The following XXYLT1 variants were observed in gnomAD, a reference collection of about 807,000 sequenced individuals.
XXYLT1 encodes UDP-xylose:alpha-xyloside alpha-1,3-xylosyltransferase.
A neutral mutation model predicts 28.9 loss-of-function variants in XXYLT1; 20 were observed. The ratio of observed to expected loss-of-function variants is 0.69; its 90% confidence interval spans 0.49 to 1.00. The LOEUF (loss-of-function observed/expected upper bound fraction) is 1.00, where lower values mean the gene tolerates loss of function less well. XXYLT1 is among the 50% of genes least tolerant of loss of function. The pLI is 0.00. For missense variants in XXYLT1, 542 were observed against 560.1 expected (o/e 0.97, Z 0.33); for synonymous variants, 257 against 253.8 (o/e 1.01, Z -0.12).
chr3:195,089,751 G>C (rs1432511174), intron 3 of XXYLT1, among the ~76,000 whole-genome samples: 1 of 150,884 alleles, frequency 6.6e-6, no homozygotes, highest in East Asian at 2.0e-4. Context: ...AAAGAGTCAA[G>C]ACCCATCAGT....
In XXYLT1 at chr3:195,129,253, C is replaced by T. The variant is rs1203201593; in HGVS notation, c.785+27196G>A. ...CTTTTTTTGGTAACAGCTTTCTTGA[C>T]ACATAATTTAAATTCCATACAATTC... On this transcript the variant is annotated intron_variant, in intron 3 of 3. Transcript: ENST00000310380. This position sits in a 1 kb window ranked among gnomAD's most constrained non-coding sequence, Gnocchi z 4.4. Among the ~76,000 whole-genome samples, 1 of 152,160 alleles carries T rather than the reference C, an allele frequency of 6.6e-6. No individual in the cohort carries two copies. The highest frequency in any genetic ancestry group is 6.5e-5 in the Admixed American group (1 of 15,284).
intron 3 of XXYLT1, among the ~76,000 whole-genome samples, chr3:195,071,012 T>A (rs1714773837): frequency 6.6e-6 from 1 of 152,230 alleles, no homozygotes; most frequent in South Asian, 2.1e-4. Context: ...GACACCTCCC[T>A]GTGAGGGCCA....
In XXYLT1 at chr3:195,256,396, G is replaced by A. The variant is rs906295435; in HGVS notation, c.504+14159C>T. ...CAGCTCTGGTCATTCCAAGTCCCTC[G>A]CCCTCATGCTCCGCGCAGGCCTGAG... On this transcript the variant is annotated intron_variant, in intron 1 of 3. Transcript: ENST00000310380. This position sits in a 1 kb window ranked among gnomAD's most constrained non-coding sequence, Gnocchi z 4.2. 24 of 748,610 alleles carry A rather than the reference G, an allele frequency of 3.2e-5. No individual in the cohort carries two copies. Among genetic ancestry groups the A allele is most frequent in the Non-Finnish European group, 3.6e-5 (22 of 614,112 alleles). 46.4% of individuals were successfully genotyped at this position (748,610 alleles called of 1,614,324 possible).
chr3:195,263,235 C>G (rs1004659796), intron 1 of XXYLT1, among the ~76,000 whole-genome samples: 1 of 152,242 alleles, frequency 6.6e-6, no homozygotes, highest in African/African-American at 2.4e-5. Flanking sequence ...TGCATTTTAA[C>G]ATTTGTCCAG....
At chr3:195,097,594 C>A (rs908854059) in intron 3 of XXYLT1, among the ~76,000 whole-genome samples, 4 of 152,162 alleles carry the variant, frequency 2.6e-5, no homozygotes, top group Admixed American at 2.6e-4. Context: ...AGTCAAAGCC[C>A]CCCAGCTAGT....
chr3:195,226,729 A>T lies in XXYLT1; in HGVS notation c.632T>A (p.Met211Lys). 1.2e-6 allele frequency: 2 copies of T among 1,613,800 alleles called. No individual in the cohort carries two copies. Among genetic ancestry groups the T allele is most frequent in the Non-Finnish European group, 1.7e-6 (2 of 1,179,916 alleles). The change falls in exon 2 of 4, where the codon ATG becomes AAG. Residue 211 changes from methionine (M) to lysine (K), a missense_variant. Met to Lys is a moderately conservative substitution (Grantham distance 95). Transcript: ENST00000310380. Reference protein sequence around the residue: ...SDSIFFLSVAMHQIMPKEILQ... With the variant: ...SDSIFFLSVAKHQIMPKEILQ... ...GTTACCTTTGGGCATGATCTGATGC[A>T]TGGCGACCGAGAGGAAGAAGATGGA...
At chr3:195,218,804 C>T (rs1489092519) in intron 2 of XXYLT1, among the ~76,000 whole-genome samples, 1 of 151,632 alleles carries the variant, frequency 6.6e-6, no homozygotes, top group Admixed American at 6.6e-5. Flanking sequence ...ACCCAGCCAT[C>T]CCATTACTGG....
chr3:195,116,084 G>A (rs1718029216), intron 3 of XXYLT1, among the ~76,000 whole-genome samples: 1 of 152,190 alleles, frequency 6.6e-6, no homozygotes, highest in African/African-American at 2.4e-5. Flanking sequence ...GGATTGGGGT[G>A]TGTTGAGCTT....
chr3:195,113,489 G>T (rs1185346676), intron 3 of XXYLT1, among the ~76,000 whole-genome samples: 1 of 152,196 alleles, frequency 6.6e-6, no homozygotes, highest in African/African-American at 2.4e-5. Context: ...GAGGCACAAA[G>T]CGGTTTACTG....
intron 1 of XXYLT1, among the ~76,000 whole-genome samples, chr3:195,268,940 C>A (rs777291429): frequency 9.8e-5 from 15 of 152,304 alleles, no homozygotes; most frequent in Non-Finnish European, 2.1e-4. Context: ...GATACAGTCA[C>A]AGCACCAGGG....
intron 3 of XXYLT1, among the ~76,000 whole-genome samples, chr3:195,137,184 CAA>C (rs1719244351): frequency 6.6e-6 from 1 of 152,076 alleles, no homozygotes; most frequent in South Asian, 2.1e-4. Context: ...GAGGGAGAAA[CAA>C]AGTGGGGTGT....
intron 2 of XXYLT1, among the ~76,000 whole-genome samples, chr3:195,181,367 T>C (rs1382178814): frequency 1.3e-5 from 2 of 152,262 alleles, no homozygotes; most frequent in Non-Finnish European, 2.9e-5. Context: ...TACACTTTCA[T>C]CTTCTACACA....
chr3:195,132,514 G>T (rs186112129), intron 3 of XXYLT1, among the ~76,000 whole-genome samples: 1 of 152,058 alleles, frequency 6.6e-6, no homozygotes, highest in Non-Finnish European at 1.5e-5. Flanking sequence ...AGTGCTTGGC[G>T]CATGACACAC....
At chr3:195,201,142 C>T (rs1368999843) in intron 2 of XXYLT1, among the ~76,000 whole-genome samples, 6 of 152,182 alleles carry the variant, frequency 3.9e-5, no homozygotes, top group Admixed American at 2.6e-4. Flanking sequence ...TTGTTCAGAG[C>T]CACTGGCCTG....
chr3:195,164,398 G>A (rs1008427790), intron 2 of XXYLT1, among the ~76,000 whole-genome samples: 1 of 152,308 alleles, frequency 6.6e-6, no homozygotes, highest in South Asian at 2.1e-4. Flanking sequence ...TCCCCAGTTG[G>A]TCTATCAACA....
chr3:195,102,578 G>C (rs1716851732), intron 3 of XXYLT1, among the ~76,000 whole-genome samples: 2 of 152,114 alleles, frequency 1.3e-5, no homozygotes, highest in African/African-American at 4.8e-5. Flanking sequence ...ATTTCACTTA[G>C]CAATAATGTC....
chr3:195,251,249 C>A (rs933700305), intron 1 of XXYLT1, among the ~76,000 whole-genome samples: 2 of 152,242 alleles, frequency 1.3e-5, no homozygotes, highest in African/African-American at 4.8e-5. Context: ...AAGCAGAGAC[C>A]ACTTGCTAAC....
chr3:195,160,995 C>G (rs1169212678), intron 2 of XXYLT1, among the ~76,000 whole-genome samples: 1 of 152,192 alleles, frequency 6.6e-6, no homozygotes, highest in Non-Finnish European at 1.5e-5. Flanking sequence ...ATAGGGGCTA[C>G]AAAGGAAGAC....
intron 2 of XXYLT1, among the ~76,000 whole-genome samples, chr3:195,161,140 G>C (rs1395296385): frequency 6.6e-6 from 1 of 152,222 alleles, no homozygotes; most frequent in Non-Finnish European, 1.5e-5. Context: ...TTTGCATGCT[G>C]ATTCAGCCCA....
Sources: gnomAD v4.1 joint callset for allele counts (sites outside exome capture counted in the v4.1 genomes callset) on GRCh38, gnomAD v4.1.1 for gene constraint, Gnocchi (gnomAD v3.1) non-coding constraint, MANE v1.5 for transcripts, NCBI Gene and HGNC (gene_info 2026-07-23, HGNC 2026-07-21) for gene names.